Variants in ZNF732 observed in about 807,000 individuals in gnomAD.
The protein encoded by ZNF732 is zinc finger protein 732, also known as zinc finger protein LOC654254.
Under a neutral mutation model 11.5 loss-of-function variants are expected in ZNF732, and 12 were observed. The observed-to-expected ratio is 1.05, with a 90% CI of 0.67 to 1.70. The LOEUF is 1.70. ZNF732 is among the 40% of genes most tolerant of loss of function. The pLI is 0.00. For missense variants in ZNF732, 702 were observed against 676.9 expected (o/e 1.04, Z -0.41); for synonymous variants, 231 against 236.5 (o/e 0.98, Z 0.21).
Position 284,011 on chromosome 4 carries a change from C to T in ZNF732, c.227-11381G>A, listed in dbSNP as rs183041759. Among the ~76,000 whole-genome samples, 99 of 152,060 alleles carry T rather than the reference C, an allele frequency of 6.5e-4. No individual in the cohort carries two copies. The East Asian group carries it at 0.017, about 26-fold the overall frequency. The stretch of plus-strand genomic sequence containing the variant: ...CTGCAAGTTCCGCCTCCAGGGTTCA[C>T]GCCATTCTCCTGCCTCAGCCTCCTG... On this transcript the variant is annotated intron_variant, in intron 3 of 3. Transcript: ENST00000419098.
chr4:286,691 ACTC>A (rs1719738439), intron 3 of ZNF732, among the ~76,000 whole-genome samples: 1 of 151,890 alleles, frequency 6.6e-6, no homozygotes, highest in African/African-American at 2.4e-5. Flanking sequence ...ATGCAAAACA[ACTC>A]TTTTTTTAAC....
In ZNF732 at chr4:305,320, T is replaced by C; in HGVS notation, c.-10A>G. The C allele has an allele frequency of 6.2e-7, 1 of 1,607,798 alleles. No homozygotes were observed. The highest frequency in any genetic ancestry group is 2.2e-5 in the East Asian group (1 of 44,796). On this transcript the variant is annotated 5_prime_UTR_variant, in exon 1 of 4. Transcript: ENST00000419098. Reference sequence around the variant, plus strand: ...CCCCCACACTCACCATTTCCCCACTTCAGGGGTGTAGCGGAGTCTCAGCTA... The same window carrying C: ...CCCCCACACTCACCATTTCCCCACTCCAGGGGTGTAGCGGAGTCTCAGCTA...
chr4:295,296 C>T, intron 3 of ZNF732, 142 bp downstream of exon 3: 1 of 623,912 alleles, frequency 1.6e-6, no homozygotes, highest in South Asian at 2.4e-5. Context: ...TGCCCCTATT[C>T]ATGAATATGA....
At chr4:278,151 A>G (rs1427524935) in intron 3 of ZNF732, among the ~76,000 whole-genome samples, 1 of 152,224 alleles carries the variant, frequency 6.6e-6, no homozygotes, top group African/African-American at 2.4e-5. Context: ...TCTTACCCAT[A>G]TGTGAAATCT....
rs782708606 is a variant in ZNF732 at position 296,070 on chromosome 4, C to G, written c.89G>C (p.Arg30Thr). 5 of 1,613,970 alleles carry G rather than the reference C, an allele frequency of 3.1e-6. No individual in the cohort carries two copies. Among genetic ancestry groups the G allele is most frequent in the South Asian group, 1.1e-5 (1 of 91,068 alleles). ...CCTGTAGTTCTCCAACATCACATCT[C>G]TATACAAATTCTGCTGGGCAGGGTC... ...CLDPAQQNLY[R>T]DVMLENYRNL... is the part of the protein sequence containing the mutation. Residue 30 changes from arginine (R) to threonine (T), a missense_variant, in exon 2 of 4, where the codon AGA becomes ACA. This residue lies in a region of ZNF732 where 596 missense variants were observed against 557.9 expected (regional missense o/e 1.07). Coordinates refer to ENST00000419098, the MANE Select transcript of ZNF732 (RefSeq NM_001137608.3).
chr4:296,443 A>G (rs1436307623), intron 1 of ZNF732, among the ~76,000 whole-genome samples: 2 of 152,106 alleles, frequency 1.3e-5, no homozygotes, highest in African/African-American at 4.8e-5. Context: ...AGCTCTCATG[A>G]AAGTATCTGG....
In ZNF732 at chr4:296,021, A is replaced by G. The variant is rs1719943568; in HGVS notation, c.130+8T>C. The G allele has an allele frequency of 3.1e-6, 5 of 1,608,626 alleles. No individual in the cohort carries two copies. Among genetic ancestry groups the G allele is most frequent in the Admixed American group, 1.7e-5 (1 of 58,000 alleles). ...GTATTAGGAATTATTTACTGAAGTT[A>G]TCCTCACCCAGGGAGATCAGGTTCC... is the stretch of plus-strand genomic sequence containing the variant. On this transcript the variant is annotated splice_region_variant and intron_variant, in intron 2 of 3. Transcript: ENST00000419098.
At position 299,495 on chromosome 4, in the gene ZNF732, G is replaced by GTGTA. The variant is rs1560165372; in HGVS notation, c.4-3341_4-3340insTACA. Among the ~76,000 whole-genome samples the GTGTA allele has an allele frequency of 4.0e-5, 2 of 49,696 alleles. 1 individual carries two copies. The highest frequency in any genetic ancestry group is 1.6e-3 in the South Asian group (2 of 1,252). 32.6% of individuals were successfully genotyped at this position (49,696 alleles called of 152,430 possible). A position where few individuals can be genotyped will look rare whatever the true frequency, so the allele number is the denominator to read the frequency against. ...TATACACATATATACACATATGTGT[G>GTGTA]TATATATACACACATATACGTATAT... is the stretch of plus-strand genomic sequence containing the variant. On this transcript the variant is annotated intron_variant, in intron 1 of 3. Transcript: ENST00000419098.
intron 1 of ZNF732, among the ~76,000 whole-genome samples, chr4:299,820 C>G (rs1188723290): frequency 1.3e-5 from 2 of 148,990 alleles, no homozygotes; most frequent in African/African-American, 4.9e-5. Flanking sequence ...CCTCAGCCTC[C>G]CAAGTAGCTG....
At chr4:279,068 G>A (rs375967850) in intron 3 of ZNF732, among the ~76,000 whole-genome samples, 7 of 151,772 alleles carry the variant, frequency 4.6e-5, no homozygotes, top group African/African-American at 7.3e-5. Context: ...CCCCTCACGC[G>A]TTTCCCGCAC....
At chr4:279,209 C>T (rs1167184541) in intron 3 of ZNF732, among the ~76,000 whole-genome samples, 3 of 151,442 alleles carry the variant, frequency 2.0e-5, no homozygotes, top group Admixed American at 6.6e-5. Context: ...GAGGCCGAGG[C>T]GGGCAGATCA....
intron 1 of ZNF732, among the ~76,000 whole-genome samples, chr4:299,343 G>GTA (rs573050738): frequency 2.3e-4 from 28 of 122,240 alleles, no homozygotes; most frequent in Admixed American, 8.0e-4. Flanking sequence ...GCAGTTATGA[G>GTA]TATATATACA....
rs782267110 is a variant in ZNF732 at position 271,916 on chromosome 4, A to C, written c.941T>G (p.Val314Gly). 6.2e-7 allele frequency: 1 copy of C among 1,609,312 alleles called. No individual in the cohort carries two copies. Among genetic ancestry groups the C allele is most frequent in the Admixed American group, 1.7e-5 (1 of 59,394 alleles). Reference sequence around the variant, plus strand: ...AGTAAGGGTTGTGGACCTATTAAAGACTTTGCCACATTCCTGACATTTGTA... The same window carrying C: ...AGTAAGGGTTGTGGACCTATTAAAGCCTTTGCCACATTCCTGACATTTGTA... ...KLYKCQECGK[V>G]FNRSTTLTKH... Residue 314 changes from valine (V) to glycine (G), a missense_variant, in exon 4 of 4, where the codon GTC becomes GGC. Physicochemically the swap from Val to Gly is moderately radical, Grantham distance 109. Transcript: ENST00000419098.
chr4:297,073 C>A (rs1278630237), intron 1 of ZNF732, among the ~76,000 whole-genome samples: 1 of 151,934 alleles, frequency 6.6e-6, no homozygotes, highest in Non-Finnish European at 1.5e-5. Context: ...TTTGAGACCA[C>A]CCTGGCCAAT....
At chr4:275,426 A>T (rs1425575378) in intron 3 of ZNF732, among the ~76,000 whole-genome samples, 2 of 151,830 alleles carry the variant, frequency 1.3e-5, no homozygotes, top group East Asian at 3.9e-4. Flanking sequence ...TGGAATTAAG[A>T]AACAGTGAAG....
chr4:301,136 T>C (rs1720109423), intron 1 of ZNF732, among the ~76,000 whole-genome samples: 1 of 152,172 alleles, frequency 6.6e-6, no homozygotes, highest in Non-Finnish European at 1.5e-5. Context: ...TCACTGGCCA[T>C]CAGAGAAAAT....
chr4:274,255 G>A (rs1719447946), intron 3 of ZNF732, among the ~76,000 whole-genome samples: 1 of 151,612 alleles, frequency 6.6e-6, no homozygotes, highest in Admixed American at 6.6e-5. Flanking sequence ...TAATGAAGTT[G>A]AGGGCAGATG....
intron 3 of ZNF732, among the ~76,000 whole-genome samples, chr4:293,572 A>G (rs1255401053): frequency 6.6e-6 from 1 of 152,086 alleles, no homozygotes; most frequent in African/African-American, 2.4e-5. Context: ...ACAAATTTTT[A>G]GTTATAAATT....
Position 271,586 on chromosome 4 carries a change from C to CCA in ZNF732, c.1269_1270dup (p.Gly424ValfsTer11). 1 of 1,613,334 alleles carries CCA rather than the reference C, an allele frequency of 6.2e-7. No individual in the cohort carries two copies. Among genetic ancestry groups the CCA allele is most frequent in the Non-Finnish European group, 8.5e-7 (1 of 1,179,546 alleles). ...GTCTGTGGACCATCCAAAGGCTTTGCCACACTCTTCACATTTGTGGGGCCT... is the reference window on the plus strand; with the variant it reads ...GTCTGTGGACCATCCAAAGGCTTTGCCACACACTCTTCACATTTGTGGGGCCT... On this transcript the variant is annotated frameshift_variant, in exon 4 of 4. Transcript: ENST00000419098. LOFTEE classifies it low-confidence loss of function (END_TRUNC).
Sources: gnomAD v4.1 joint callset for allele counts (sites outside exome capture counted in the v4.1 genomes callset) on GRCh38, gnomAD v4.1.1 for gene constraint, gnomAD v4.1.1 regional missense constraint, MANE v1.5 for transcripts, NCBI Gene and HGNC (gene_info 2026-07-23, HGNC 2026-07-21) for gene names.